MARCHF1: variants seen among roughly 807,000 people sequenced by gnomAD.
MARCHF1 encodes the protein E3 ubiquitin-protein ligase MARCHF1.
A neutral mutation model predicts 54.2 loss-of-function variants in MARCHF1; 40 were observed. The observed-to-expected ratio is 0.74, with a 90% CI of 0.57 to 0.96. The LOEUF (loss-of-function observed/expected upper bound fraction) is 0.96, where lower values mean the gene tolerates loss of function less well. Ranked by LOEUF, MARCHF1 falls within the 40% of genes least tolerant of loss-of-function variation. MARCHF1 has a pLI of 0.00. For synonymous variants in MARCHF1, 236 were observed against 236.3 expected (o/e 1.00, Z 0.01); for missense variants, 586 against 656.5 (o/e 0.89, Z 1.17).
chr4:164,099,510 G>A (rs1280554330), intron 2 of MARCHF1, among the ~76,000 whole-genome samples: 2 of 152,054 alleles, frequency 1.3e-5, no homozygotes, highest in East Asian at 3.9e-4. Context: ...CTCCCTTGTT[G>A]TCTCAGATAA....
intron 4 of MARCHF1, among the ~76,000 whole-genome samples, chr4:163,746,522 T>A (rs1408391317): frequency 6.6e-6 from 1 of 152,158 alleles, no homozygotes; most frequent in Non-Finnish European, 1.5e-5. Flanking sequence ...TGCTGGTAAA[T>A]ACCAACGAAT....
intron 4 of MARCHF1, among the ~76,000 whole-genome samples, chr4:163,788,647 G>A (rs1277743761): frequency 6.6e-6 from 1 of 151,956 alleles, no homozygotes; most frequent in East Asian, 1.9e-4. Flanking sequence ...AAGAACCCCA[G>A]AGAGGTGAAG....
chr4:164,319,615 A>AC (rs1474701433), intron 1 of MARCHF1, among the ~76,000 whole-genome samples: 11 of 152,160 alleles, frequency 7.2e-5, no homozygotes, highest in South Asian at 2.1e-4. Flanking sequence ...AAAATGTCAG[A>AC]CCCCTAATAC....
intron 4 of MARCHF1, among the ~76,000 whole-genome samples, chr4:163,752,317 G>A (rs1047429374): frequency 6.6e-6 from 1 of 152,166 alleles, no homozygotes; most frequent in African/African-American, 2.4e-5. Flanking sequence ...GAAACCTGTG[G>A]AGAAAAGAGT....
intron 4 of MARCHF1, among the ~76,000 whole-genome samples, chr4:163,812,405 T>A (rs1748416816): frequency 6.6e-6 from 1 of 152,042 alleles, no homozygotes; most frequent in Non-Finnish European, 1.5e-5. Context: ...TACATTCAGG[T>A]AGTTTTGGAA....
chr4:164,192,118 A>G (rs1339252541), intron 1 of MARCHF1, among the ~76,000 whole-genome samples: 2 of 152,216 alleles, frequency 1.3e-5, no homozygotes, highest in Admixed American at 6.5e-5. Context: ...CCAAGAATTA[A>G]GAGCATAATT....
At chr4:163,548,405 T>A (rs925440715) in intron 8 of MARCHF1, among the ~76,000 whole-genome samples, 19 of 152,138 alleles carry the variant, frequency 1.2e-4, no homozygotes, top group Admixed American at 9.8e-4. Flanking sequence ...TATGGAGCAA[T>A]TTGATTAAAT....
intron 1 of MARCHF1, among the ~76,000 whole-genome samples, chr4:164,309,288 G>T (rs913066681): frequency 6.6e-6 from 1 of 151,794 alleles, no homozygotes; most frequent in East Asian, 1.9e-4. Context: ...GTGTGTGCGC[G>T]TGTGTGTCTG....
intron 3 of MARCHF1, among the ~76,000 whole-genome samples, chr4:163,956,156 A>ACT (rs1752228920): frequency 6.6e-6 from 1 of 152,124 alleles, no homozygotes; most frequent in Admixed American, 6.5e-5. Context: ...GTATCAGAAC[A>ACT]CTCTGTAGTA....
In MARCHF1 at chr4:163,635,928, G is replaced by A. The variant is rs1259458794; in HGVS notation, c.163-22535C>T. Among the ~76,000 whole-genome samples, 6 of 152,186 alleles carry A rather than the reference G, an allele frequency of 3.9e-5. No homozygotes were observed. In the East Asian group the frequency reaches 7.7e-4, roughly 20 times the overall value. On this transcript the variant is annotated intron_variant, in intron 5 of 9. Coordinates refer to ENST00000514618, the MANE Select transcript of MARCHF1 (RefSeq NM_001394959.1). The stretch of plus-strand genomic sequence containing the variant: ...AGTGGGCTTCATCCCTGGGATGCAA[G>A]GTTGGTTCAATATATGCAAATCGAT...
intron 1 of MARCHF1, among the ~76,000 whole-genome samples, chr4:164,276,244 AATG>A (rs894273836): frequency 1.3e-5 from 2 of 152,138 alleles, no homozygotes; most frequent in South Asian, 2.1e-4. Flanking sequence ...AGTGGCATTT[AATG>A]ATAAGACCAC....
intron 1 of MARCHF1, among the ~76,000 whole-genome samples, chr4:164,369,305 C>T (rs1378860556): frequency 6.6e-6 from 1 of 152,086 alleles, no homozygotes; most frequent in Non-Finnish European, 1.5e-5. Flanking sequence ...TTCTCACTAC[C>T]GTGCTATGGA....
At chr4:164,372,414 C>A (rs1266276534) in intron 1 of MARCHF1, among the ~76,000 whole-genome samples, 1 of 151,992 alleles carries the variant, frequency 6.6e-6, no homozygotes, top group Admixed American at 6.6e-5. Flanking sequence ...ATGTCATAGT[C>A]TAATATATAT....
intron 2 of MARCHF1, among the ~76,000 whole-genome samples, chr4:164,033,765 A>T (rs1170337511): frequency 6.6e-6 from 1 of 152,192 alleles, no homozygotes; most frequent in Non-Finnish European, 1.5e-5. Flanking sequence ...TTAAAAAGTA[A>T]AAAGACAACA....
chr4:164,109,912 T>TAAAAAAA (rs57433858), intron 2 of MARCHF1, among the ~76,000 whole-genome samples: 1,297 of 63,016 alleles, frequency 0.021, 2 homozygotes, highest in Middle Eastern at 0.036. Flanking sequence ...AAAATAAAAG[T>TAAAAAAA]AAAAAAAAAA....
intron 1 of MARCHF1, among the ~76,000 whole-genome samples, chr4:164,367,197 C>T (rs1031004800): frequency 1.1e-4 from 16 of 152,028 alleles, no homozygotes; most frequent in Non-Finnish European, 2.1e-4. Context: ...ATTACATTTT[C>T]TTAGCTTGTG....
At chr4:163,739,490 T>C (rs1357467989) in intron 4 of MARCHF1, among the ~76,000 whole-genome samples, 1 of 152,218 alleles carries the variant, frequency 6.6e-6, no homozygotes, top group Non-Finnish European at 1.5e-5. Context: ...TGGTAAGTGT[T>C]ATAGAACAGT....
intron 2 of MARCHF1, among the ~76,000 whole-genome samples, chr4:164,038,114 G>A (rs1754048103): frequency 3.9e-5 from 6 of 152,086 alleles, no homozygotes; most frequent in Admixed American, 3.9e-4. Context: ...TTTCCAATAT[G>A]TTACAATTAG....
chr4:163,706,424 T>C (rs1314976059), intron 4 of MARCHF1, among the ~76,000 whole-genome samples: 1 of 152,098 alleles, frequency 6.6e-6, no homozygotes, highest in African/African-American at 2.4e-5. Context: ...TTATTTAATA[T>C]TGTGTCTATC....
Sources: allele counts gnomAD v4.1 joint callset (sites outside exome capture counted in the v4.1 genomes callset), GRCh38; gene constraint gnomAD v4.1.1; transcripts MANE v1.5; gene names NCBI Gene and HGNC (gene_info 2026-07-23, HGNC 2026-07-21).